Variants in CDHR4 observed in about 807,000 individuals in gnomAD.
CDHR4 encodes cadherin related family member 4.
In CDHR4, 89 loss-of-function variants were observed where a neutral mutation model predicts 88.4. That is an observed-to-expected ratio of 1.01 (90% CI 0.85 to 1.20). CDHR4 has a LOEUF of 1.20. Ranked by LOEUF, CDHR4 falls within the 50% of genes most tolerant of loss-of-function variation. CDHR4 has a pLI of 0.00. For missense variants in CDHR4, 914 were observed against 1,007.2 expected (o/e 0.91, Z 1.25); for synonymous variants, 368 against 399.2 (o/e 0.92, Z 0.93).
intron 9 of CDHR4, 44 bp from the exon 10 acceptor site, chr3:49,794,745 AG>A: frequency 6.6e-7 from 1 of 1,510,344 alleles, no homozygotes; most frequent in South Asian, 1.2e-5. Flanking sequence ...AGGGCCTGAG[AG>A]AGCCCTGAGC....
rs1340693544 is a variant in CDHR4 at position 49,793,219 on chromosome 3, C to T, written c.1716G>A (p.Met572Ile). 1.3e-6 allele frequency: 2 copies of T among 1,551,578 alleles called. No individual in the cohort carries two copies. The highest frequency in any genetic ancestry group is 1.7e-6 in the Non-Finnish European group (2 of 1,147,000). ...PLGRSVEVTK[M>I]SCQIPQEPQR... Reference sequence around the variant, plus strand: ...GTGGCTCCTGAGGGATCTGGCATGACATCTTGGTCACCTCCACGCTACGGC... The same window carrying T: ...GTGGCTCCTGAGGGATCTGGCATGATATCTTGGTCACCTCCACGCTACGGC... The change falls in exon 13 of 19, where the codon ATG (methionine) becomes ATA (isoleucine). Residue 572 changes from methionine (M) to isoleucine (I), a missense_variant. Physicochemically the swap from Met to Ile is conservative, Grantham distance 10 (BLOSUM62 1). Transcript: ENST00000412678.
intron 17 of CDHR4, 43 bp from the exon 18 acceptor site, chr3:49,791,511 G>A (rs1453628580): frequency 2.6e-6 from 4 of 1,537,186 alleles, no homozygotes; most frequent in Admixed American, 2.1e-5. Context: ...ATTGAACCCT[G>A]CCCACAGGGG....
At chr3:49,797,363 C>T (rs1291838849) in intron 4 of CDHR4, among the ~76,000 whole-genome samples, 4 of 151,998 alleles carry the variant, frequency 2.6e-5, no homozygotes, top group Non-Finnish European at 5.9e-5. Context: ...ACTGCAACCT[C>T]CACTTACTGG....
chr3:49,795,584 C>A lies in CDHR4; in HGVS notation c.847+44G>T. 6.5e-7 allele frequency: 1 copy of A among 1,550,252 alleles called. No individual in the cohort carries two copies. On this transcript the variant is annotated intron_variant, in intron 7 of 18. Transcript: ENST00000412678. This position sits in a 1 kb window ranked among gnomAD's most constrained non-coding sequence, Gnocchi z 5.4. ...CTATGGGTCACCTCTGGACCAGCCA[C>A]AGAGGCATCCCAGTACCTGCCCCCA... is the stretch of plus-strand genomic sequence containing the variant.
rs1390030028 is a variant in CDHR4, at chr3:49,793,854, C to G, written c.1432G>C (p.Glu478Gln). The G allele has an allele frequency of 5.2e-6, 8 of 1,551,654 alleles. No homozygotes were observed. The highest frequency in any genetic ancestry group is 7.0e-6 in the Non-Finnish European group (8 of 1,147,008). The change falls in exon 11 of 19, where the codon GAG (glutamate) becomes CAG (glutamine). Residue 478 changes from glutamate (E) to glutamine (Q), a missense_variant. By Grantham distance (29) the Glu-to-Gln change is conservative. Transcript: ENST00000412678. Reference protein sequence around the residue: ...TDMDYPHDNIEYYTSGGPTTF... With the variant: ...TDMDYPHDNIQYYTSGGPTTF... ...GTAGGACCACCAGAGGTGTAGTACT[C>G]AATGTTGTCATGAGGGTAATCCATA...
At chr3:49,800,046 T>G (rs1013236779), upstream of CDHR4, among the ~76,000 whole-genome samples, 4 of 151,998 alleles carry the variant, frequency 2.6e-5, no homozygotes, top group African/African-American at 7.3e-5. Context: ...TCTAAGGGCA[T>G]GGAAGGGGAG....
chr3:49,791,989 T>G, intron 15 of CDHR4, 30 bp from the exon 16 acceptor site: 1 of 1,550,540 alleles, frequency 6.4e-7, no homozygotes, highest in Non-Finnish European at 8.7e-7. Context: ...AACGAAGCAG[T>G]GAGGGCAGCA....
At chr3:49,799,924 T>C (rs2081338291), upstream of CDHR4, 1 of 1,075,216 alleles carries the variant, frequency 9.3e-7, no homozygotes, top group African/African-American at 1.6e-5. Context: ...GCGGGACTCC[T>C]GGGCCTCCCA....
rs1315945464 is a variant in CDHR4, at chr3:49,791,455, C to T, written c.2297G>A (p.Arg766Lys). 6.5e-7 allele frequency: 1 copy of T among 1,547,010 alleles called. No individual in the cohort carries two copies. The highest frequency in any genetic ancestry group is 1.2e-5 in the South Asian group (1 of 83,264). Reference sequence around the variant, plus strand: ...GGGGGACTCACGGGAGTCCTGTGCTCTGCCATCAAAATGCTGCTGAGGGAA... The same window carrying T: ...GGGGGACTCACGGGAGTCCTGTGCTTTGCCATCAAAATGCTGCTGAGGGAA... Reference protein sequence around the residue: ...SSVMSLHFDGRAQDSRTGRDY... With the variant: ...SSVMSLHFDGKAQDSRTGRDY... The change falls in exon 18 of 19, where the codon AGA becomes AAA. Residue 766 changes from arginine to lysine, a missense_variant. By Grantham distance (26) the Arg-to-Lys change is conservative. Coordinates refer to ENST00000412678, the MANE Select transcript of CDHR4 (RefSeq NM_001007540.4).
At chr3:49,798,628 C>CTGTGGGAA (rs1172715373) in intron 4 of CDHR4, 198 bp downstream of exon 4, 13 of 572,156 alleles carry the variant, frequency 2.3e-5, no homozygotes, top group Non-Finnish European at 4.0e-5. Flanking sequence ...TGAGATGTCC[C>CTGTGGGAA]TGTGGGAACA....
chr3:49,792,970 T>C lies in CDHR4; in HGVS notation c.1879A>G (p.Ile627Val). 3 of 1,551,628 alleles carry C rather than the reference T, an allele frequency of 1.9e-6. No homozygotes were observed. Among genetic ancestry groups the C allele is most frequent in the Non-Finnish European group, 2.6e-6 (3 of 1,146,972 alleles). ...GAGGGGCCTGCATCGGCCACACAGA[T>C]CAGTAGCTCATAGGTACGGGGCTGC... is the stretch of plus-strand genomic sequence containing the variant. ...PEQPRTYELL[I>V]CVADAGPSTP... The change falls in exon 14 of 19, where the codon ATC (isoleucine) becomes GTC (valine). Residue 627 changes from isoleucine to valine, a missense_variant. Ile to Val is a conservative substitution (Grantham distance 29). Coordinates refer to ENST00000412678, the MANE Select transcript of CDHR4 (RefSeq NM_001007540.4).
chr3:49,794,793 A>G (rs2081242675), intron 9 of CDHR4, 92 bp from the exon 10 acceptor site: 1 of 1,420,258 alleles, frequency 7.0e-7, no homozygotes, highest in Non-Finnish European at 9.6e-7. Flanking sequence ...ATCCACAAAT[A>G]TCTTGCCTGG....
In CDHR4 at chr3:49,799,074, T is replaced by C. The variant is rs1193956665; in HGVS notation, c.323A>G (p.His108Arg). 2.5e-6 allele frequency: 4 copies of C among 1,584,822 alleles called. No individual in the cohort carries two copies. Among genetic ancestry groups the C allele is most frequent in the Admixed American group, 1.8e-5 (1 of 55,142 alleles). The change falls in exon 3 of 19, where the codon CAT becomes CGT. Residue 108 changes from histidine to arginine, a missense_variant. Physicochemically the swap from His to Arg is conservative, Grantham distance 29. Coordinates refer to ENST00000412678, the MANE Select transcript of CDHR4 (RefSeq NM_001007540.4). ...CACAGAGAGTGAGCCCTCCATCACA[T>C]GGTTGCCACATGTGAACTTCAGCTG... ...KVQLKFTCGN[H>R]VMEGSLSVDV...
At position 49,798,862 on chromosome 3, in the gene CDHR4, A is replaced by T. The variant is rs1226343999; in HGVS notation, c.459T>A (p.Thr153=). 2.5e-6 allele frequency: 4 copies of T among 1,613,724 alleles called. No homozygotes were observed. The highest frequency in any genetic ancestry group is 3.4e-6 in the Non-Finnish European group (4 of 1,179,874). The change falls in exon 4 of 19, where the codon ACT becomes ACA. Residue 153 remains threonine, a synonymous_variant. Coordinates refer to ENST00000412678, the MANE Select transcript of CDHR4 (RefSeq NM_001007540.4). Reference sequence around the variant, plus strand: ...GGAGTTCTAGGCCTGGGAGGAGCAGAGTGTACAGCCGAGCCCCAGGTGTGA... The same window carrying T: ...GGAGTTCTAGGCCTGGGAGGAGCAGTGTGTACAGCCGAGCCCCAGGTGTGA... ...ETVTPGARLY[T]LLLPGLELHG...
At chr3:49,796,842 A>C in intron 5 of CDHR4, 80 bp downstream of exon 5, 1 of 1,075,040 alleles carries the variant, frequency 9.3e-7, no homozygotes, top group Non-Finnish European at 1.4e-6. Flanking sequence ...GAGGCCAAGG[A>C]GGCCAAGAAT....
At position 49,792,935 on chromosome 3, in the gene CDHR4, G is replaced by A; in HGVS notation, c.1914C>T (p.His638=). Residue 638 remains histidine (H), a synonymous_variant, in exon 14 of 19, where the codon CAC becomes CAT. Coordinates refer to ENST00000412678, the MANE Select transcript of CDHR4 (RefSeq NM_001007540.4). The part of the protein sequence containing the change: ...CVADAGPSTP[H]LSTTATIIVH... ...CAATAATGGTGGCTGTGGTGCTGAG[G>A]TGGGGGGTGGAGGGGCCTGCATCGG... is the stretch of plus-strand genomic sequence containing the variant. 1 of 1,551,664 alleles carries A rather than the reference G, an allele frequency of 6.4e-7. No individual in the cohort carries two copies. The highest frequency in any genetic ancestry group is 8.7e-7 in the Non-Finnish European group (1 of 1,146,966).
Position 49,799,055 on chromosome 3 carries a change from G to C in CDHR4, c.342C>G (p.Leu114=), listed in dbSNP as rs760793119. 6.3e-7 allele frequency: 1 copy of C among 1,593,704 alleles called. No individual in the cohort carries two copies. The highest frequency in any genetic ancestry group is 8.5e-7 in the Non-Finnish European group (1 of 1,170,284). The change falls in exon 3 of 19, where the codon CTC becomes CTG. Residue 114 remains leucine, a synonymous_variant. Transcript: ENST00000412678. ...TCGNHVMEGS[L]SVDVQRDLSH... is the part of the protein sequence containing the mutation. ...TAAGGTCCCGCTGCACATCCACAGA[G>C]AGTGAGCCCTCCATCACATGGTTGC...
chr3:49,799,521 G>A (rs2081331311), intron 1 of CDHR4, 84 bp from the exon 2 acceptor site: 1 of 1,409,504 alleles, frequency 7.1e-7, no homozygotes, highest in African/African-American at 1.4e-5. Context: ...TTTTGCCACA[G>A]GGCCTGGCCA....
chr3:49,793,687 G>A lies in CDHR4; in HGVS notation c.1519C>T (p.Gln507Ter). Reference protein sequence around the residue: ...VHLLGPLDYEQQRLYRLTVLV... With the variant: ...VHLLGPLDYE ...ACAGTGAGCCTGTACAGCCTCTGCT[G>A]CTCATAGTCCAAAGGTCCCAGGAGG... is the stretch of plus-strand genomic sequence containing the variant. The change falls in exon 12 of 19, where the codon CAG (glutamine) becomes TAG (stop). Residue 507 changes from glutamine to a stop codon, truncating the protein, a stop_gained. Coordinates refer to ENST00000412678, the MANE Select transcript of CDHR4 (RefSeq NM_001007540.4). LOFTEE classifies it high-confidence loss of function. 1.3e-6 allele frequency: 2 copies of A among 1,551,772 alleles called. No homozygotes were observed. The highest frequency in any genetic ancestry group is 2.4e-5 in the South Asian group (2 of 84,062).
Sources: gnomAD v4.1 joint callset for allele counts (sites outside exome capture counted in the v4.1 genomes callset) on GRCh38, gnomAD v4.1.1 for gene constraint, Gnocchi (gnomAD v3.1) non-coding constraint, MANE v1.5 for transcripts, NCBI Gene and HGNC (gene_info 2026-07-23, HGNC 2026-07-21) for gene names.